The following LARP1B variants were observed in gnomAD, a reference collection of about 807,000 sequenced individuals.
LARP1B encodes la-related protein 1B.
LARP1B carries 76 observed loss-of-function variants against 114.2 expected under a neutral mutation model. That is an observed-to-expected ratio of 0.67 (90% confidence interval 0.55 to 0.81). LARP1B has a LOEUF of 0.81. LARP1B is among the 30% of genes least tolerant of loss of function. The pLI is 0.00. For missense variants in LARP1B, 1,014 were observed against 1,075.8 expected (o/e 0.94, Z 0.80); for synonymous variants, 345 against 348.0 (o/e 0.99, Z 0.10).
At chr4:128,181,908 C>G (rs528113287) in intron 15 of LARP1B, among the ~76,000 whole-genome samples, 134 of 150,502 alleles carry the variant, frequency 8.9e-4, no homozygotes, top group South Asian at 3.2e-3. Flanking sequence ...TGGGTTCACG[C>G]CATTCTCCTG....
Position 128,074,918 on chromosome 4 carries a change from A to G in LARP1B, c.-18-16A>G, listed in dbSNP as rs757757648. ...AAAAGTAATTTCAGACCTAACACTT[A>G]TTTGTTACTTCTTAGGCTAGTGATT... is the stretch of plus-strand genomic sequence containing the variant. On this transcript the variant is annotated splice_polypyrimidine_tract_variant and intron_variant, in intron 2 of 19. Transcript: ENST00000326639. The G allele has an allele frequency of 8.3e-6, 13 of 1,563,656 alleles. No homozygotes were observed. In the Admixed American group the frequency reaches 2.3e-4, roughly 28 times the overall value.
At chr4:128,065,360 C>CTTTTCTTTTCTT (rs1762390271) in intron 1 of LARP1B, among the ~76,000 whole-genome samples, 1 of 118,160 alleles carries the variant, frequency 8.5e-6, no homozygotes, top group Non-Finnish European at 1.8e-5. Context: ...CTTTTCTTTT[C>CTTTTCTTTTCTT]TTTTCTTTTC....
At chr4:128,083,625 AC>A (rs541972474) in intron 5 of LARP1B, among the ~76,000 whole-genome samples, 5 of 81,442 alleles carry the variant, frequency 6.1e-5, no homozygotes, top group African/African-American at 9.6e-5. Context: ...CGGGGTGCTG[AC>A]CCCCCCACCT....
At chr4:128,214,014 C>A (rs1014793839), downstream of LARP1B, among the ~76,000 whole-genome samples, 3 of 151,090 alleles carry the variant, frequency 2.0e-5, no homozygotes, top group African/African-American at 7.3e-5. Flanking sequence ...TCAGGGAGTT[C>A]CCTTTCCGAG....
At chr4:128,082,793 A>G (rs1403244055) in intron 5 of LARP1B, among the ~76,000 whole-genome samples, 1 of 141,422 alleles carries the variant, frequency 7.1e-6, no homozygotes. Flanking sequence ...AAGAAAATAT[A>G]TCATTTTCTT....
Position 128,178,545 on chromosome 4 carries a change from G to A in LARP1B, c.1799G>A (p.Arg600Lys), listed in dbSNP as rs1196107386. The change falls in exon 14 of 20, where the codon AGA (arginine) becomes AAA (lysine). Residue 600 changes from arginine to lysine, a missense_variant. By Grantham distance (26) the Arg-to-Lys change is conservative (BLOSUM62 2). Coordinates refer to ENST00000326639, the MANE Select transcript of LARP1B (RefSeq NM_018078.4). The part of the protein sequence containing the change: ...VPESPRIHPT[R>K]TPKTPRTPRL... Reference sequence around the variant, plus strand: ...GAATCTCCTAGAATTCATCCTACAAGAACACCCAAAACACCTCGAACACCT... The same window carrying A: ...GAATCTCCTAGAATTCATCCTACAAAAACACCCAAAACACCTCGAACACCT... The A allele has an allele frequency of 2.5e-6, 4 of 1,613,902 alleles. No homozygotes were observed. The highest frequency in any genetic ancestry group is 2.5e-6 in the Non-Finnish European group (3 of 1,179,948).
chr4:128,219,903 G>C (rs1759867762), intron 6 of LARP1B, among the ~76,000 whole-genome samples: 1 of 151,728 alleles, frequency 6.6e-6, no homozygotes, highest in African/African-American at 2.4e-5. Flanking sequence ...TTATTTTTTT[G>C]AGACAGAGTT....
chr4:128,085,077 T>C (rs1471078621), intron 5 of LARP1B, among the ~76,000 whole-genome samples: 1 of 152,148 alleles, frequency 6.6e-6, no homozygotes, highest in African/African-American at 2.4e-5. Context: ...TTGGTCAGGC[T>C]GGGCTCGAAC....
intron 12 of LARP1B, among the ~76,000 whole-genome samples, chr4:128,175,227 G>C (rs887845115): frequency 6.6e-6 from 1 of 152,066 alleles, no homozygotes; most frequent in Admixed American, 6.6e-5. Context: ...GTATATTCAG[G>C]TTTTGGCATG....
At chr4:128,142,700 G>A (rs1313007004) in intron 11 of LARP1B, among the ~76,000 whole-genome samples, 1 of 151,794 alleles carries the variant, frequency 6.6e-6, no homozygotes, top group Non-Finnish European at 1.5e-5. Flanking sequence ...TAGAGACGGG[G>A]TTTCTCCATG....
chr4:128,222,544 A>T (rs1021922837), exon 8 of LARP1B: 31 of 271,096 alleles, frequency 1.1e-4, no homozygotes, highest in African/African-American at 6.5e-4. Context: ...GCCCTGGGAC[A>T]TTTTTAATAA....
At chr4:128,205,187 C>T (rs981731197) in intron 17 of LARP1B, among the ~76,000 whole-genome samples, 4 of 152,168 alleles carry the variant, frequency 2.6e-5, no homozygotes, top group Non-Finnish European at 4.4e-5. Context: ...CATCACTCTT[C>T]GTCTTGTAAA....
rs200125031 is a variant in LARP1B, at chr4:128,073,523, C to CA, written c.-77-925dup. Among the ~76,000 whole-genome samples, 737 of 110,210 alleles carry CA rather than the reference C, an allele frequency of 6.7e-3. 8 individuals are homozygous for CA. The highest frequency in any genetic ancestry group is 0.021 in the East Asian group (71 of 3,398). 72.3% of individuals were successfully genotyped at this position (110,210 alleles called of 152,430 possible). ...TGAGAGAAATAAAGAGACTCTGTCTCAAAAAAAAAAAAGTTGTATTTGTAA... is the reference window on the plus strand; with the variant it reads ...TGAGAGAAATAAAGAGACTCTGTCTCAAAAAAAAAAAAAGTTGTATTTGTAA... On this transcript the variant is annotated intron_variant, in intron 1 of 19. Transcript: ENST00000326639.
chr4:128,109,494 C>T (rs1235606526), intron 9 of LARP1B, among the ~76,000 whole-genome samples: 2 of 151,936 alleles, frequency 1.3e-5, no homozygotes, highest in African/African-American at 4.8e-5. Flanking sequence ...CCTTTATGCA[C>T]CAGAAAACAT....
chr4:128,220,302 A>C (rs1759916042), intron 6 of LARP1B: 1 of 694,076 alleles, frequency 1.4e-6, no homozygotes, highest in Non-Finnish European at 1.8e-6. Flanking sequence ...CTTTTCCTTC[A>C]ACTAATTTCT....
Position 128,098,347 on chromosome 4 carries a change from T to C in LARP1B, c.813+17T>C. 1 of 1,590,464 alleles carries C rather than the reference T, an allele frequency of 6.3e-7. No individual in the cohort carries two copies. The highest frequency in any genetic ancestry group is 8.6e-7 in the Non-Finnish European group (1 of 1,165,064). On this transcript the variant is annotated intron_variant, in intron 8 of 19. Transcript: ENST00000326639. ...ATCTTAGAGGTAATTGCTCATTTGA[T>C]GAACAATTTGTACTTTCTGCTCAAA...
At chr4:128,061,522 C>T (rs2149227897) in intron 1 of LARP1B, 121 bp downstream of exon 1, 1 of 255,708 alleles carries the variant, frequency 3.9e-6, no homozygotes, top group Non-Finnish European at 6.1e-6. Flanking sequence ...GGAGGGGCGT[C>T]ACGCCGGGCG....
At chr4:128,113,781 C>CTTTTTTTT (rs1156610852) in intron 9 of LARP1B, among the ~76,000 whole-genome samples, 8 of 114,236 alleles carry the variant, frequency 7.0e-5, no homozygotes, top group Non-Finnish European at 1.1e-4. Context: ...GACATTTACT[C>CTTTTTTTT]TTTTTTTTTT....
chr4:128,195,640 A>G (rs559996752), intron 15 of LARP1B, among the ~76,000 whole-genome samples: 6 of 152,224 alleles, frequency 3.9e-5, no homozygotes, highest in Non-Finnish European at 8.8e-5. Context: ...AAATAACTAC[A>G]TGAATGAAAC....
Sources: gnomAD v4.1 joint callset for allele counts (sites outside exome capture counted in the v4.1 genomes callset) on GRCh38, gnomAD v4.1.1 for gene constraint, MANE v1.5 for transcripts, NCBI Gene and HGNC (gene_info 2026-07-23, HGNC 2026-07-21) for gene names.